Variants in LRRC1 observed in about 807,000 individuals in gnomAD.
LRRC1 encodes the protein leucine-rich repeat-containing protein 1.
A neutral mutation model predicts 69.9 loss-of-function variants in LRRC1; 28 were observed. The observed-to-expected ratio is 0.40, with a 90% CI of 0.30 to 0.55. LRRC1 has a LOEUF of 0.55. LRRC1 is among the 20% of genes least tolerant of loss of function. LRRC1 has a pLI of 0.47. For synonymous variants in LRRC1, 236 were observed against 240.2 expected (o/e 0.98, Z 0.16); for missense variants, 498 against 609.0 (o/e 0.82, Z 1.92).
intron 10 of LRRC1, among the ~76,000 whole-genome samples, chr6:53,907,855 A>G (rs1392011411): frequency 1.3e-5 from 2 of 151,576 alleles, no homozygotes; most frequent in Non-Finnish European, 2.9e-5. Context: ...ATTTTAAGTT[A>G]TTCAGAAATC....
At position 53,904,435 on chromosome 6, in the gene LRRC1, A is replaced by C; in HGVS notation, c.963A>C (p.Arg321Ser). ...LKKLSNLNAD[R>S]NKLVSLPKEI... is the part of the protein sequence containing the mutation. ...AGTTGAGCAACTTGAATGCAGACAG[A>C]AATAAATTAGTGTCCTTACCAAAAG... is the stretch of plus-strand genomic sequence containing the variant. The change falls in exon 10 of 14, where the codon AGA (arginine) becomes AGC (serine). Residue 321 changes from arginine (R) to serine (S), a missense_variant. Transcript: ENST00000370888. 3.7e-6 allele frequency: 6 copies of C among 1,611,540 alleles called. No homozygotes were observed. The highest frequency in any genetic ancestry group is 5.1e-6 in the Non-Finnish European group (6 of 1,178,534).
intron 13 of LRRC1, 68 bp downstream of exon 13, chr6:53,920,829 A>G: frequency 6.5e-7 from 1 of 1,539,732 alleles, no homozygotes; most frequent in Admixed American, 1.7e-5. Flanking sequence ...GCACCTAATA[A>G]GGATATTCTT....
In LRRC1 at chr6:53,899,870, G is replaced by C; in HGVS notation, c.766G>C (p.Glu256Gln). 6.2e-7 allele frequency: 1 copy of C among 1,613,978 alleles called. No homozygotes were observed. Among genetic ancestry groups the C allele is most frequent in the Admixed American group, 1.7e-5 (1 of 59,984 alleles). ...TTTAGTCATTTCCCAGAACTTATTAGAAACGATTCCGGATGGCATTGGTAA... is the reference window on the plus strand; with the variant it reads ...TTTAGTCATTTCCCAGAACTTATTACAAACGATTCCGGATGGCATTGGTAA... The part of the protein sequence containing the change: ...TDLVISQNLL[E>Q]TIPDGIGKLK... The change falls in exon 8 of 14, where the codon GAA becomes CAA. Residue 256 changes from glutamate to glutamine, a missense_variant. Glu to Gln is a conservative substitution (Grantham distance 29). Around this residue, in one of 3 missense-constraint regions of LRRC1, gnomAD observed 266 missense variants for 383.9 expected, o/e 0.69. Transcript: ENST00000370888.
intron 2 of LRRC1, among the ~76,000 whole-genome samples, chr6:53,858,613 G>A (rs1480464247): frequency 6.6e-6 from 1 of 152,212 alleles, no homozygotes; most frequent in South Asian, 2.1e-4. Flanking sequence ...TTTAGGCTTT[G>A]CCCTTGGGAC....
At chr6:53,810,543 C>G (rs1764762532) in intron 1 of LRRC1, among the ~76,000 whole-genome samples, 1 of 152,012 alleles carries the variant, frequency 6.6e-6, no homozygotes, top group Admixed American at 6.5e-5. Context: ...TGGCTTAAAC[C>G]CAGGAGGTGG....
At chr6:53,873,373 G>T (rs186792699) in intron 2 of LRRC1, among the ~76,000 whole-genome samples, 1 of 149,620 alleles carries the variant, frequency 6.7e-6, no homozygotes, top group Non-Finnish European at 1.5e-5. Context: ...CTCGCTACAA[G>T]CTCCGCCTCC....
intron 1 of LRRC1, among the ~76,000 whole-genome samples, chr6:53,802,725 A>T (rs1433829247): frequency 6.6e-6 from 1 of 152,120 alleles, no homozygotes; most frequent in Non-Finnish European, 1.5e-5. Flanking sequence ...ATATGAATGT[A>T]TATTTATGTT....
chr6:53,892,592 G>A (rs185574308), intron 4 of LRRC1, among the ~76,000 whole-genome samples: 2 of 152,254 alleles, frequency 1.3e-5, no homozygotes, highest in Admixed American at 6.5e-5. Flanking sequence ...GAATTCAATG[G>A]GTTGCTTTGA....
At chr6:53,851,734 C>T (rs969713478) in intron 2 of LRRC1, among the ~76,000 whole-genome samples, 1 of 152,180 alleles carries the variant, frequency 6.6e-6, no homozygotes, top group African/African-American at 2.4e-5. Context: ...CACACACATA[C>T]ACACACAAAA....
At chr6:53,910,610 C>T (rs1017462058) in intron 10 of LRRC1, among the ~76,000 whole-genome samples, 1 of 151,764 alleles carries the variant, frequency 6.6e-6, no homozygotes, top group Non-Finnish European at 1.5e-5. Context: ...TTTTTATTTC[C>T]TGGAAAAAAA....
At chr6:53,869,215 G>A (rs907538331) in intron 2 of LRRC1, among the ~76,000 whole-genome samples, 1 of 152,048 alleles carries the variant, frequency 6.6e-6, no homozygotes, top group African/African-American at 2.4e-5. Context: ...GATAATAATA[G>A]GAGTGGACAG....
At chr6:53,866,480 G>A (rs1391425018) in intron 2 of LRRC1, among the ~76,000 whole-genome samples, 1 of 152,170 alleles carries the variant, frequency 6.6e-6, no homozygotes, top group Non-Finnish European at 1.5e-5. Flanking sequence ...AACGATATAG[G>A]TCTGGTTCCT....
intron 4 of LRRC1, among the ~76,000 whole-genome samples, chr6:53,887,506 A>C (rs1767527365): frequency 6.6e-6 from 1 of 151,816 alleles, no homozygotes; most frequent in Non-Finnish European, 1.5e-5. Flanking sequence ...AGGTGCATAT[A>C]CTGTCTCATG....
In LRRC1 at chr6:53,917,531, C is replaced by T. The variant is rs963093140; in HGVS notation, c.1107-1967C>T. On this transcript the variant is annotated intron_variant, in intron 11 of 13. Coordinates refer to ENST00000370888, the MANE Select transcript of LRRC1 (RefSeq NM_018214.5). ...GTGATTTATTAATATTATTGATGCT[C>T]TTTTTAGCCTCTTATTTATACTTTT... Among the ~76,000 whole-genome samples, 12 of 152,148 alleles carry T rather than the reference C, an allele frequency of 7.9e-5. 1 individual carries two copies. The highest frequency in any genetic ancestry group is 2.9e-5 in the Non-Finnish European group (2 of 68,016).
intron 13 of LRRC1, 67 bp from the exon 14 acceptor site, chr6:53,922,568 G>T: frequency 7.1e-7 from 1 of 1,404,612 alleles, no homozygotes; most frequent in South Asian, 1.4e-5. Flanking sequence ...CTAATGCCTT[G>T]AAGCTGCATG....
chr6:53,802,559 A>G (rs1764516406), intron 1 of LRRC1, among the ~76,000 whole-genome samples: 1 of 152,178 alleles, frequency 6.6e-6, no homozygotes, highest in Admixed American at 6.5e-5. Context: ...GTTTTGTAGT[A>G]GGCATTGGCT....
At chr6:53,902,784 T>A in intron 9 of LRRC1, 37 bp downstream of exon 9, 1 of 1,260,938 alleles carries the variant, frequency 7.9e-7, no homozygotes, top group Non-Finnish European at 1.1e-6. Context: ...AAAGACTTAC[T>A]AGGGTAGATT....
chr6:53,855,519 C>T (rs368625460), intron 2 of LRRC1, among the ~76,000 whole-genome samples: 2 of 152,106 alleles, frequency 1.3e-5, no homozygotes, highest in Non-Finnish European at 2.9e-5. Flanking sequence ...GAGGCCGAAA[C>T]GAAGTTGGCA....
At chr6:53,822,045 T>G (rs1449300242) in intron 1 of LRRC1, among the ~76,000 whole-genome samples, 1 of 152,174 alleles carries the variant, frequency 6.6e-6, no homozygotes, top group Non-Finnish European at 1.5e-5. Context: ...TTACTGTACT[T>G]GTCATGTGCT....
Sources: gnomAD v4.1 joint callset for allele counts (sites outside exome capture counted in the v4.1 genomes callset) on GRCh38, gnomAD v4.1.1 for gene constraint, gnomAD v4.1.1 regional missense constraint, MANE v1.5 for transcripts, NCBI Gene and HGNC (gene_info 2026-07-23, HGNC 2026-07-21) for gene names.